Variants in PAPPA2 observed in about 807,000 individuals in gnomAD.
PAPPA2 encodes the protein pappalysin 2.
PAPPA2 carries 86 observed loss-of-function variants against 176.4 expected under a neutral mutation model. The observed-to-expected ratio is 0.49, with a 90% CI of 0.41 to 0.58. PAPPA2 has a LOEUF of 0.58. Among genes scored for constraint, PAPPA2 ranks in the 20% least tolerant of loss-of-function variants. The pLI is 0.00. For synonymous variants in PAPPA2, 809 were observed against 852.2 expected, an observed-to-expected ratio of 0.95 and a Z score of 0.88; for missense variants, 2,073 against 2,256.9, an observed-to-expected ratio of 0.92 and a Z score of 1.65.
chr1:176,582,818 G>T (rs967323996), intron 2 of PAPPA2, among the ~76,000 whole-genome samples: 5 of 152,034 alleles, frequency 3.3e-5, no homozygotes, highest in African/African-American at 1.2e-4. Flanking sequence ...TTTTGGATTA[G>T]TTTGAAAATA....
intron 6 of PAPPA2, among the ~76,000 whole-genome samples, chr1:176,694,095 G>C (rs1297923865): frequency 6.6e-6 from 1 of 152,102 alleles, no homozygotes; most frequent in African/African-American, 2.4e-5. Context: ...CCAGCAATTT[G>C]TGTCATGCTT....
At chr1:176,521,501 T>C (rs1425762895) in intron 1 of PAPPA2, among the ~76,000 whole-genome samples, 1 of 152,156 alleles carries the variant, frequency 6.6e-6, no homozygotes, top group African/African-American at 2.4e-5. Context: ...CTACACCACA[T>C]GAAGCAGAAG....
intron 14 of PAPPA2, among the ~76,000 whole-genome samples, chr1:176,761,428 T>C (rs1357949710): frequency 6.6e-6 from 1 of 151,808 alleles, no homozygotes; most frequent in Non-Finnish European, 1.5e-5. Flanking sequence ...GAAACATAGA[T>C]GGAAAGAGAG....
Position 176,646,142 on chromosome 1 carries a change from T to C in PAPPA2, c.1992-24828T>C, listed in dbSNP as rs536463622. Among the ~76,000 whole-genome samples the C allele has an allele frequency of 1.9e-3, 295 of 151,682 alleles. 1 individual carries two copies. Among genetic ancestry groups the C allele is most frequent in the Non-Finnish European group, 3.3e-3 (222 of 67,708 alleles). ...GCTTTGGTTGCCTGTGATTTTGAGG[T>C]TTACAAAATAATCTTTGCCTAAACT... On this transcript the variant is annotated intron_variant, in intron 3 of 22. Coordinates refer to ENST00000367662, the MANE Select transcript of PAPPA2 (RefSeq NM_020318.3).
intron 6 of PAPPA2, among the ~76,000 whole-genome samples, chr1:176,695,011 T>C (rs1437222444): frequency 2.0e-5 from 3 of 152,188 alleles, no homozygotes; most frequent in Admixed American, 6.5e-5. Context: ...ATTTGAATGG[T>C]TCTTGATGGG....
At chr1:176,744,533 C>T (rs1318686224) in intron 14 of PAPPA2, among the ~76,000 whole-genome samples, 2 of 152,120 alleles carry the variant, frequency 1.3e-5, no homozygotes, top group Non-Finnish European at 2.9e-5. Flanking sequence ...CCACTGGTTC[C>T]ACACCCCACC....
chr1:176,798,540 A>G (rs918914642), intron 20 of PAPPA2, among the ~76,000 whole-genome samples: 3 of 152,240 alleles, frequency 2.0e-5, no homozygotes, highest in African/African-American at 7.2e-5. Context: ...CTGGGACCCC[A>G]AAGTAGTACA....
chr1:176,743,395 C>G (rs1662771520), intron 14 of PAPPA2, among the ~76,000 whole-genome samples: 1 of 152,176 alleles, frequency 6.6e-6, no homozygotes, highest in Non-Finnish European at 1.5e-5. Context: ...GCTTATTCTA[C>G]TGATCATGAA....
At chr1:176,583,054 A>T (rs1429025239) in intron 2 of PAPPA2, among the ~76,000 whole-genome samples, 1 of 152,076 alleles carries the variant, frequency 6.6e-6, no homozygotes, top group Non-Finnish European at 1.5e-5. Flanking sequence ...AATAGTTTCT[A>T]ATGATATTTT....
At chr1:176,747,036 G>A (rs1255422350) in intron 14 of PAPPA2, among the ~76,000 whole-genome samples, 1 of 152,134 alleles carries the variant, frequency 6.6e-6, no homozygotes, top group Non-Finnish European at 1.5e-5. Flanking sequence ...TACTTTATTT[G>A]GGATTAGCAA....
chr1:176,666,281 A>AT (rs1658635472), intron 3 of PAPPA2, among the ~76,000 whole-genome samples: 1 of 152,148 alleles, frequency 6.6e-6, no homozygotes, highest in African/African-American at 2.4e-5. Flanking sequence ...TAAGAGAATG[A>AT]TTTTTTAAAA....
At chr1:176,780,936 A>G (rs1032185593) in intron 17 of PAPPA2, among the ~76,000 whole-genome samples, 1 of 152,164 alleles carries the variant, frequency 6.6e-6, no homozygotes, top group Non-Finnish European at 1.5e-5. Flanking sequence ...TAGCTATTGT[A>G]TACATTTGTG....
At chr1:176,632,559 A>G (rs945200036) in intron 3 of PAPPA2, among the ~76,000 whole-genome samples, 4 of 152,132 alleles carry the variant, frequency 2.6e-5, no homozygotes, top group African/African-American at 9.7e-5. Flanking sequence ...AAGAAAGTGA[A>G]GACTGACAGT....
At chr1:176,464,433 C>T (rs1228699346) in intron 1 of PAPPA2, among the ~76,000 whole-genome samples, 1 of 152,134 alleles carries the variant, frequency 6.6e-6, no homozygotes, top group Admixed American at 6.5e-5. Flanking sequence ...TGTAGTCACA[C>T]AGGGCCCTAC....
intron 3 of PAPPA2, among the ~76,000 whole-genome samples, chr1:176,609,664 CAT>C (rs1654803923): frequency 6.6e-6 from 1 of 152,102 alleles, no homozygotes; most frequent in Non-Finnish European, 1.5e-5. Flanking sequence ...AGACAGGAGA[CAT>C]AGAGCCCATG....
chr1:176,655,366 A>G (rs1657973841), intron 3 of PAPPA2, among the ~76,000 whole-genome samples: 1 of 151,816 alleles, frequency 6.6e-6, no homozygotes, highest in Admixed American at 6.6e-5. Context: ...ATATTTGTTA[A>G]CTATTCATCT....
chr1:176,749,368 A>G (rs1026007112), intron 14 of PAPPA2, among the ~76,000 whole-genome samples: 2 of 152,162 alleles, frequency 1.3e-5, no homozygotes, highest in South Asian at 2.1e-4. Context: ...GATCCCACCC[A>G]TGCCTAGCCA....
chr1:176,702,842 AG>A lies in PAPPA2; in HGVS notation c.3365+108del, dbSNP rs1240290855. 8.6e-6 allele frequency: 12 copies of A among 1,395,634 alleles called. No homozygotes were observed. In the Admixed American group the frequency reaches 9.0e-5, roughly 10 times the overall value. 86.5% of individuals were successfully genotyped at this position (1,395,634 alleles called of 1,614,324 possible). On this transcript the variant is annotated intron_variant, in intron 9 of 22. Transcript: ENST00000367662. ...GCAGGGACACTGTTCTCTAAACAGAAGTTTCAGGAGTTTGACTTGTTTTGGA... is the reference window on the plus strand; with the variant it reads ...GCAGGGACACTGTTCTCTAAACAGAATTTCAGGAGTTTGACTTGTTTTGGA...
chr1:176,812,679 T>C (rs1463774135), intron 21 of PAPPA2, among the ~76,000 whole-genome samples: 1 of 152,192 alleles, frequency 6.6e-6, no homozygotes, highest in African/African-American at 2.4e-5. Context: ...TCTACTAACA[T>C]AGATGTTCAT....
Sources: gnomAD v4.1 joint callset for allele counts (sites outside exome capture counted in the v4.1 genomes callset) on GRCh38, gnomAD v4.1.1 for gene constraint, MANE v1.5 for transcripts, NCBI Gene and HGNC (gene_info 2026-07-23, HGNC 2026-07-21) for gene names.